Variants in B4GALT5 observed in about 807,000 individuals in gnomAD.
B4GALT5 encodes the protein beta-1,4-galactosyltransferase 5.
In B4GALT5, 11 loss-of-function variants were observed where a neutral mutation model predicts 45.0. The observed-to-expected ratio is 0.24, with a 90% CI of 0.15 to 0.40. The LOEUF is 0.40. B4GALT5 is among the 10% of genes least tolerant of loss of function. B4GALT5 has a pLI of 1.00. For missense variants in B4GALT5, 337 were observed against 500.2 expected, an observed-to-expected ratio of 0.67 and a Z score of 3.11; for synonymous variants, 185 against 182.9, an observed-to-expected ratio of 1.01 and a Z score of -0.09.
chr20:49,657,753 T>G (rs1170282633), intron 1 of B4GALT5, among the ~76,000 whole-genome samples: 1 of 152,182 alleles, frequency 6.6e-6, no homozygotes, highest in Non-Finnish European at 1.5e-5. Context: ...GGATTCCGGC[T>G]CTTTGACAAA....
At chr20:49,671,346 G>A (rs1177171962) in intron 1 of B4GALT5, among the ~76,000 whole-genome samples, 2 of 152,178 alleles carry the variant, frequency 1.3e-5, no homozygotes, top group African/African-American at 4.8e-5. Context: ...CTACACTCCA[G>A]CCTGAGTGAC....
intron 1 of B4GALT5, among the ~76,000 whole-genome samples, chr20:49,674,571 C>T (rs1391764322): frequency 2.0e-5 from 3 of 151,386 alleles, no homozygotes; most frequent in African/African-American, 7.3e-5. Context: ...AAGCCAGCCG[C>T]AGGACTGCTC....
At chr20:49,663,594 C>T (rs568046141) in intron 1 of B4GALT5, among the ~76,000 whole-genome samples, 19 of 148,280 alleles carry the variant, frequency 1.3e-4, no homozygotes, top group African/African-American at 4.5e-4. Context: ...GTCCCAGCTG[C>T]TTGGGAGGCT....
intron 1 of B4GALT5, among the ~76,000 whole-genome samples, chr20:49,681,682 C>T (rs2085764706): frequency 6.6e-6 from 1 of 152,236 alleles, no homozygotes; most frequent in African/African-American, 2.4e-5. Flanking sequence ...GCAGTCTTCC[C>T]ATCCTGGTTA....
intron 1 of B4GALT5, among the ~76,000 whole-genome samples, chr20:49,710,749 T>A (rs2085905971): frequency 1.3e-5 from 2 of 152,088 alleles, no homozygotes. Context: ...CTCATTTTAA[T>A]AACTATTCAA....
At chr20:49,651,227 A>T (rs897538756) in intron 2 of B4GALT5, among the ~76,000 whole-genome samples, 23 of 152,126 alleles carry the variant, frequency 1.5e-4, no homozygotes, top group Admixed American at 6.5e-4. Context: ...TGGAGGCTGC[A>T]GTGAGCCGAG....
chr20:49,697,540 C>T (rs1042897414), intron 1 of B4GALT5, among the ~76,000 whole-genome samples: 4 of 151,806 alleles, frequency 2.6e-5, no homozygotes, highest in Non-Finnish European at 4.4e-5. Context: ...AGTGGAGCCC[C>T]GTGATTAAGG....
At chr20:49,686,106 G>C (rs545184775) in intron 1 of B4GALT5, among the ~76,000 whole-genome samples, 2 of 152,258 alleles carry the variant, frequency 1.3e-5, no homozygotes, top group East Asian at 3.9e-4. Flanking sequence ...TGGAAAACCG[G>C]AAAATGTCCG....
intron 1 of B4GALT5, among the ~76,000 whole-genome samples, chr20:49,704,476 T>C (rs1328632006): frequency 1.3e-5 from 2 of 151,964 alleles, no homozygotes; most frequent in Non-Finnish European, 2.9e-5. Flanking sequence ...TCCCAGCACT[T>C]TGGGAGGCCG....
chr20:49,663,690 AATATATACATATATATATATATAT>A (rs2085675944), intron 1 of B4GALT5, among the ~76,000 whole-genome samples: 1 of 96,962 alleles, frequency 1.0e-5, no homozygotes, highest in African/African-American at 4.5e-5. Flanking sequence ...AAAAAAAAAA[AATATATACATATATATATATATAT>A]ATATATATAT....
intron 1 of B4GALT5, among the ~76,000 whole-genome samples, chr20:49,679,116 A>G (rs932016852): frequency 2.6e-5 from 4 of 152,230 alleles, no homozygotes; most frequent in Non-Finnish European, 5.9e-5. Flanking sequence ...AGCTGACTGC[A>G]GAACTGCTGG....
Position 49,636,166 on chromosome 20 carries a change from C to T in B4GALT5, c.*146G>A. The stretch of plus-strand genomic sequence containing the variant: ...GTGAAGGCGTTTGTGCGTGTGCTGT[C>T]ACATTTTCCCCCTGAACTCTGTGAT... On this transcript the variant is annotated 3_prime_UTR_variant, in exon 9 of 9. Transcript: ENST00000371711. 9.0e-7 allele frequency: 1 copy of T among 1,106,642 alleles called. No individual in the cohort carries two copies. The highest frequency in any genetic ancestry group is 1.3e-6 in the Non-Finnish European group (1 of 779,188). The allele number at this position is 1,106,642 out of a possible 1,614,324, so 68.6% of individuals were successfully genotyped here.
chr20:49,641,561 G>C (rs892430886), intron 5 of B4GALT5, among the ~76,000 whole-genome samples: 1 of 152,246 alleles, frequency 6.6e-6, no homozygotes, highest in African/African-American at 2.4e-5. Context: ...ACTTAGGACC[G>C]GCAGATAGAC....
intron 1 of B4GALT5, among the ~76,000 whole-genome samples, chr20:49,691,198 C>T (rs1258088054): frequency 6.6e-6 from 1 of 152,088 alleles, no homozygotes; most frequent in Non-Finnish European, 1.5e-5. Context: ...GGCAATCAGC[C>T]AGCTTTAGAC....
At chr20:49,707,369 C>CA (rs143137735) in intron 1 of B4GALT5, among the ~76,000 whole-genome samples, 3,384 of 145,092 alleles carry the variant, frequency 0.023, 139 homozygotes, top group African/African-American at 0.082. Context: ...GGATTTGGAG[C>CA]AAAAAAAAAA....
chr20:49,686,469 G>A (rs1257959693), intron 1 of B4GALT5, among the ~76,000 whole-genome samples: 4 of 151,950 alleles, frequency 2.6e-5, no homozygotes, highest in Non-Finnish European at 5.9e-5. Context: ...CTTAACCCTA[G>A]AATAAGCAAC....
chr20:49,646,310 TCACGTTCACATTCACTC>T (rs973726103), intron 3 of B4GALT5, among the ~76,000 whole-genome samples: 11 of 152,198 alleles, frequency 7.2e-5, no homozygotes, highest in Non-Finnish European at 1.0e-4. Context: ...TCTCAGGCCT[TCACGTTCACATTCACTC>T]CACGTTCACT....
At chr20:49,679,233 C>T (rs1410447571) in intron 1 of B4GALT5, among the ~76,000 whole-genome samples, 1 of 152,156 alleles carries the variant, frequency 6.6e-6, no homozygotes, top group Admixed American at 6.5e-5. Context: ...TCTTCTCCCC[C>T]AATTTTTTTG....
chr20:49,642,693 G>GA, intron 4 of B4GALT5, 109 bp from the exon 5 acceptor site: 3 of 724,506 alleles, frequency 4.1e-6, no homozygotes, highest in Non-Finnish European at 7.2e-6. Flanking sequence ...CTGGGAGGCT[G>GA]GCTATCTTGT....
Sources: gnomAD v4.1 joint callset for allele counts (sites outside exome capture counted in the v4.1 genomes callset) on GRCh38, gnomAD v4.1.1 for gene constraint, MANE v1.5 for transcripts, NCBI Gene and HGNC (gene_info 2026-07-23, HGNC 2026-07-21) for gene names.